The following DMD variants were observed in gnomAD, a reference collection of about 807,000 sequenced individuals.
DMD encodes the protein mutant dystrophin.
DMD carries 63 observed loss-of-function variants against 330.1 expected under a neutral mutation model. The observed-to-expected ratio is 0.19, with a 90% CI of 0.16 to 0.24. The LOEUF (loss-of-function observed/expected upper bound fraction) is 0.24. Ranked by LOEUF, DMD falls within the 10% of genes least tolerant of loss-of-function variation. DMD has a pLI of 1.00. For missense variants in DMD, 3,344 were observed against 2,684.1 expected (o/e 1.25, Z -5.43); for synonymous variants, 1,223 against 959.8 (o/e 1.27, Z -5.07).
rs764000255 is a variant in DMD, at chrX:33,306,756, AT to A, written c.7+32502del. Among the ~76,000 whole-genome samples the A allele has an allele frequency of 5.9e-3, 653 of 111,169 alleles. 9 individuals carry two copies. The highest frequency in any genetic ancestry group is 0.02 in the African/African-American group (620 of 30,583). On this transcript the variant is annotated intron_variant, in intron 1 of 17. Transcript: ENST00000288447. ...CCAAAGTCTCAATTAGTACAAAGCC[AT>A]GGGGACCCAGACTCTGTCTCTGTAA...
At chrX:32,830,119 C>G (rs1179440837) in intron 4 of DMD, among the ~76,000 whole-genome samples, 1 of 111,430 alleles carries the variant, frequency 9.0e-6, no homozygotes, top group Non-Finnish European at 1.9e-5. Flanking sequence ...ATTTATATTA[C>G]TCTTCAATGC....
chrX:32,072,540 A>G (rs184035286), intron 44 of DMD, among the ~76,000 whole-genome samples: 50 of 111,638 alleles, frequency 4.5e-4, no homozygotes, highest in East Asian at 4.2e-3. Context: ...TACAGATTGT[A>G]GTATCTATCA....
At chrX:33,210,460 T>A (rs775913617) in intron 1 of DMD, among the ~76,000 whole-genome samples, 1 of 111,156 alleles carries the variant, frequency 9.0e-6, no homozygotes, top group East Asian at 2.8e-4. Flanking sequence ...TCATCATGAC[T>A]TTCTTAAAAA....
chrX:31,294,944 C>G lies in DMD; in HGVS notation c.9224+28654G>C, dbSNP rs768092394. Among the ~76,000 whole-genome samples the G allele has an allele frequency of 1.3e-4, 14 of 111,992 alleles. No homozygotes were observed. The South Asian group carries it at 5.2e-3, about 42-fold the overall frequency. On this transcript the variant is annotated intron_variant, in intron 62 of 78. Transcript: ENST00000357033. Reference sequence around the variant, plus strand: ...CATGTGTGTTTCAGTAGTGTAAACTCGGAATTGAATAGTTGCCTGTGTTTG... The same window carrying G: ...CATGTGTGTTTCAGTAGTGTAAACTGGGAATTGAATAGTTGCCTGTGTTTG...
At chrX:31,728,045 C>G (rs752402215) in intron 52 of DMD, among the ~76,000 whole-genome samples, 6 of 112,568 alleles carry the variant, frequency 5.3e-5, no homozygotes, top group Admixed American at 9.3e-5. Context: ...TTGTAAACGA[C>G]GCAGTCTCGC....
intron 11 of DMD, among the ~76,000 whole-genome samples, chrX:32,616,934 G>A (rs1365626668): frequency 9.2e-6 from 1 of 108,708 alleles, no homozygotes; most frequent in Non-Finnish European, 1.9e-5. Context: ...CCTTATCTGT[G>A]AACTACCTCT....
chrX:32,965,363 G>T (rs541667879), intron 2 of DMD, among the ~76,000 whole-genome samples: 3 of 109,345 alleles, frequency 2.7e-5, no homozygotes, highest in Admixed American at 2.0e-4. Flanking sequence ...GTGTGGTGGC[G>T]CATGCCTGTA....
rs185157212 is a variant in DMD at position 33,054,455 on chromosome X, T to C, written c.32-34255A>G. On this transcript the variant is annotated intron_variant, in intron 1 of 78. Transcript: ENST00000357033. ...AATCATTTAACAATTAGTTTTCATT[T>C]AAAGGAAGTTTATAAGTTAAAGTAA... 2.8e-3 allele frequency among the ~76,000 whole-genome samples: 309 copies of C among 112,316 alleles called. 2 individuals carry two copies. Among genetic ancestry groups the C allele is most frequent in the Non-Finnish European group, 5.0e-3 (268 of 53,309 alleles).
At chrX:31,428,628 T>TA (rs2063845816) in intron 60 of DMD, among the ~76,000 whole-genome samples, 2 of 111,810 alleles carry the variant, frequency 1.8e-5, no homozygotes, top group African/African-American at 6.5e-5. Context: ...GTTCCTCCCA[T>TA]CCTTCCATTC....
In DMD at chrX:32,696,869, T is replaced by C. The variant is rs1165608996; in HGVS notation, c.960+1001A>G. Among the ~76,000 whole-genome samples, 5 of 111,111 alleles carry C rather than the reference T, an allele frequency of 4.5e-5. 1 individual carries two copies. Among genetic ancestry groups the C allele is most frequent in the African/African-American group, 1.6e-4 (5 of 30,570 alleles). Reference sequence around the variant, plus strand: ...TGAGAAGAGAGCTTTGCAAGTAAACTAGCCAAGGATGGAGGTCATAACTAT... The same window carrying C: ...TGAGAAGAGAGCTTTGCAAGTAAACCAGCCAAGGATGGAGGTCATAACTAT... On this transcript the variant is annotated intron_variant, in intron 9 of 78. Transcript: ENST00000357033.
chrX:33,132,892 C>T (rs113540674), intron 1 of DMD, among the ~76,000 whole-genome samples: 1,421 of 111,432 alleles, frequency 0.013, 24 homozygotes, highest in African/African-American at 0.044. Flanking sequence ...AAGGTGTTTA[C>T]CACAGTTCCA....
In DMD at chrX:33,178,987, C is replaced by A. The variant is rs2049822128; in HGVS notation, c.31+32295G>T. Among the ~76,000 whole-genome samples the A allele has an allele frequency of 3.6e-5, 4 of 111,800 alleles. No homozygotes were observed. In the Admixed American group the frequency reaches 3.8e-4, roughly 11 times the overall value. On this transcript the variant is annotated intron_variant, in intron 1 of 78. Transcript: ENST00000357033. Reference sequence around the variant, plus strand: ...TTTATTTTTTGCCAAATTGATGATGCCTTTAGCCTTTAAATAAGGAGCACT... The same window carrying A: ...TTTATTTTTTGCCAAATTGATGATGACTTTAGCCTTTAAATAAGGAGCACT...
chrX:32,782,967 C>A (rs1044941949), intron 7 of DMD, among the ~76,000 whole-genome samples: 6 of 104,471 alleles, frequency 5.7e-5, no homozygotes, highest in Admixed American at 1.0e-4. Context: ...CATACACACA[C>A]ACATATATAT....
intron 1 of DMD, among the ~76,000 whole-genome samples, chrX:33,180,770 A>G (rs73190241): frequency 9.2e-6 from 1 of 109,122 alleles, no homozygotes; most frequent in Non-Finnish European, 1.9e-5. Flanking sequence ...TTCATTTTCT[A>G]TTGGAATTGA....
chrX:32,359,269 C>G lies in DMD; in HGVS notation c.5325+3519G>C, dbSNP rs193079864. ...CCTGGCAGGAGACATGGGAGTACCC[C>G]ACTTTGTATTCTTCACCAAATAGTA... On this transcript the variant is annotated intron_variant, in intron 37 of 78. Coordinates refer to ENST00000357033, the MANE Select transcript of DMD (RefSeq NM_004006.3). Among the ~76,000 whole-genome samples, 377 of 111,798 alleles carry G rather than the reference C, an allele frequency of 3.4e-3. 2 individuals are homozygous for G. The highest frequency in any genetic ancestry group is 0.011 in the African/African-American group (348 of 30,815).
intron 1 of DMD, among the ~76,000 whole-genome samples, chrX:33,186,119 T>C (rs911609691): frequency 1.8e-5 from 2 of 111,842 alleles, no homozygotes; most frequent in Admixed American, 9.5e-5. Flanking sequence ...GGGAGTCTGC[T>C]ATCATTATTC....
At chrX:33,140,258 T>C (rs1460465488) in intron 1 of DMD, among the ~76,000 whole-genome samples, 2 of 112,165 alleles carry the variant, frequency 1.8e-5, no homozygotes, top group African/African-American at 6.5e-5. Context: ...TTTAAGATTA[T>C]GAATGTTATT....
intron 2 of DMD, among the ~76,000 whole-genome samples, chrX:32,954,731 C>T (rs934948734): frequency 1.1e-4 from 12 of 110,525 alleles, no homozygotes; most frequent in African/African-American, 4.0e-4. Flanking sequence ...TATGTTATTC[C>T]CCTCTAAGTG....
chrX:32,674,273 G>A (rs556726540), intron 9 of DMD, among the ~76,000 whole-genome samples: 1 of 111,596 alleles, frequency 9.0e-6, no homozygotes, highest in East Asian at 2.8e-4. Context: ...ATAGTCCACT[G>A]GATGGATCAT....
Sources: allele counts gnomAD v4.1 joint callset (sites outside exome capture counted in the v4.1 genomes callset), GRCh38; gene constraint gnomAD v4.1.1; transcripts MANE v1.5; gene names NCBI Gene and HGNC (gene_info 2026-07-23, HGNC 2026-07-21).